ESR2: variants seen among roughly 807,000 people sequenced by gnomAD.
ESR2 encodes the protein estrogen receptor 2.
A neutral mutation model predicts 49.6 loss-of-function variants in ESR2; 36 were observed. The observed-to-expected ratio is 0.73, with a 90% CI of 0.56 to 0.96. The LOEUF is 0.96. Among genes scored for constraint, ESR2 ranks in the 40% least tolerant of loss-of-function variants. The pLI is 0.00. For missense variants in ESR2, 714 were observed against 693.0 expected, an observed-to-expected ratio of 1.03 and a Z score of -0.34; for synonymous variants, 320 against 266.1, an observed-to-expected ratio of 1.20 and a Z score of -1.97.
intron 5 of ESR2, among the ~76,000 whole-genome samples, chr14:64,258,679 G>C (rs1567751336): frequency 6.6e-6 from 1 of 152,154 alleles, no homozygotes; most frequent in Non-Finnish European, 1.5e-5. Flanking sequence ...GAATGTAATG[G>C]TGTTATGAAT....
Position 64,257,217 on chromosome 14 carries a change from T to A in ESR2, c.1091+9A>T. ...AGTCAGAGAAGAAACACAATGTATTTTTTCTCACCTGTCCAGAACAAGATC... is the reference window on the plus strand; with the variant it reads ...AGTCAGAGAAGAAACACAATGTATTATTTCTCACCTGTCCAGAACAAGATC... On this transcript the variant is annotated intron_variant, in intron 6 of 8. Coordinates refer to ENST00000341099, the MANE Select transcript of ESR2 (RefSeq NM_001437.3). 1 of 1,613,996 alleles carries A rather than the reference T, an allele frequency of 6.2e-7. No homozygotes were observed. Among genetic ancestry groups the A allele is most frequent in the Non-Finnish European group, 8.5e-7 (1 of 1,179,888 alleles).
intron 8 of ESR2, 157 bp downstream of exon 8, chr14:64,234,813 A>G: frequency 2.1e-6 from 3 of 1,429,446 alleles, no homozygotes; most frequent in Non-Finnish European, 2.8e-6. Context: ...CTCTGTGCCC[A>G]TCTTTGCTTA....
At chr14:64,313,203 A>T (rs1465282783) in intron 1 of ESR2, among the ~76,000 whole-genome samples, 2 of 152,146 alleles carry the variant, frequency 1.3e-5, no homozygotes, top group Non-Finnish European at 2.9e-5. Context: ...CCAAACAACA[A>T]AGTTATAAGA....
intron 7 of ESR2, among the ~76,000 whole-genome samples, chr14:64,240,898 A>T (rs534609797): frequency 7.2e-5 from 11 of 152,198 alleles, no homozygotes; most frequent in Admixed American, 2.0e-4. Flanking sequence ...TAATCCCAGC[A>T]CTTTGGGAGG....
chr14:64,264,660 C>T (rs1172576303), intron 4 of ESR2, among the ~76,000 whole-genome samples: 1 of 151,888 alleles, frequency 6.6e-6, no homozygotes, highest in Admixed American at 6.6e-5. Context: ...CACTTGAGCC[C>T]AGGAGTTGAA....
At position 64,291,052 on chromosome 14, in the gene ESR2, C is replaced by T. The variant is rs577831446; in HGVS notation, c.-91+2981G>A. 2.6e-5 allele frequency among the ~76,000 whole-genome samples: 4 copies of T among 152,274 alleles called. No individual in the cohort carries two copies. The South Asian group carries it at 8.3e-4, about 32-fold the overall frequency. On this transcript the variant is annotated intron_variant, in intron 1 of 8. Coordinates refer to ENST00000341099, the MANE Select transcript of ESR2 (RefSeq NM_001437.3). ...TGCTCTTCCCTAACACCAACAACAG[C>T]CACAGACCATGCTCTGTAGGAACTG...
intron 1 of ESR2, among the ~76,000 whole-genome samples, chr14:64,314,528 T>G (rs917044608): frequency 5.3e-5 from 8 of 149,714 alleles, no homozygotes; most frequent in Non-Finnish European, 1.0e-4. Context: ...TGATTAAATG[T>G]AAAACAGGAA....
chr14:64,239,405 A>G (rs1052823957), intron 7 of ESR2, among the ~76,000 whole-genome samples: 4 of 152,356 alleles, frequency 2.6e-5, no homozygotes, highest in Non-Finnish European at 5.9e-5. Flanking sequence ...TTAATGTAAA[A>G]TAGGATTTCC....
At chr14:64,252,128 G>T (rs1401479888) in intron 6 of ESR2, among the ~76,000 whole-genome samples, 10 of 152,170 alleles carry the variant, frequency 6.6e-5, no homozygotes, top group African/African-American at 2.4e-4. Flanking sequence ...ACCAGCCTGG[G>T]CGATGTAGCA....
intron 6 of ESR2, among the ~76,000 whole-genome samples, chr14:64,252,627 A>G (rs1320334423): frequency 6.6e-6 from 1 of 152,130 alleles, no homozygotes; most frequent in Non-Finnish European, 1.5e-5. Flanking sequence ...CACATCTTAC[A>G]TGGAGGCAGG....
At chr14:64,248,407 GC>G (rs2075911772) in intron 7 of ESR2, among the ~76,000 whole-genome samples, 1 of 150,624 alleles carries the variant, frequency 6.6e-6, no homozygotes, top group Non-Finnish European at 1.5e-5. Flanking sequence ...TACTTGTGAG[GC>G]CAAGGTGGGA....
chr14:64,283,174 G>A (rs566571692), intron 1 of ESR2, 99 bp from the exon 2 acceptor site: 5 of 492,094 alleles, frequency 1.0e-5, no homozygotes, highest in African/African-American at 9.7e-5. Context: ...GTTTGTATGA[G>A]ATTACAAATA....
At chr14:64,238,312 G>A (rs1362768442) in intron 7 of ESR2, among the ~76,000 whole-genome samples, 1 of 152,202 alleles carries the variant, frequency 6.6e-6, no homozygotes, top group Non-Finnish European at 1.5e-5. Context: ...AGGCACTGCA[G>A]TTGTGGAAAG....
rs897834921 is a variant in ESR2, at chr14:64,229,408, C to T, written c.*3729G>A. Among the ~76,000 whole-genome samples the T allele has an allele frequency of 5.3e-5, 8 of 152,158 alleles. No individual in the cohort carries two copies. In the South Asian group the frequency reaches 6.2e-4, roughly 12 times the overall value. On this transcript the variant is annotated 3_prime_UTR_variant, in exon 9 of 9. Coordinates refer to ENST00000341099, the MANE Select transcript of ESR2 (RefSeq NM_001437.3). ...GACCTTGAATAGGTGAATTTGCCCC[C>T]GTGGGCTTTAATTTACACAGATATG...
intron 1 of ESR2, among the ~76,000 whole-genome samples, chr14:64,324,047 G>A (rs1222057800): frequency 1.3e-5 from 2 of 152,186 alleles, no homozygotes; most frequent in Admixed American, 6.5e-5. Context: ...ATAAATGAAT[G>A]AATAAGCAAA....
At chr14:64,310,565 G>A (rs183196627) in intron 1 of ESR2, among the ~76,000 whole-genome samples, 2 of 150,956 alleles carry the variant, frequency 1.3e-5, no homozygotes, top group Admixed American at 1.3e-4. Context: ...TCTGCCTTCC[G>A]GTTTCAAGCA....
chr14:64,247,674 G>T (rs555736666), intron 7 of ESR2, among the ~76,000 whole-genome samples: 2 of 152,258 alleles, frequency 1.3e-5, no homozygotes, highest in South Asian at 4.1e-4. Context: ...TAACCTAAAG[G>T]CTCGACAAGA....
chr14:64,277,885 A>T (rs2076587835), intron 3 of ESR2, among the ~76,000 whole-genome samples: 1 of 152,124 alleles, frequency 6.6e-6, no homozygotes, highest in African/African-American at 2.4e-5. Context: ...GAAACAACAT[A>T]GAGAAGCAAA....
At chr14:64,313,194 C>G (rs1439091462) in intron 1 of ESR2, among the ~76,000 whole-genome samples, 1 of 151,880 alleles carries the variant, frequency 6.6e-6, no homozygotes, top group Non-Finnish European at 1.5e-5. Context: ...TAAATGCCCC[C>G]AAACAACAAA....
Sources: gnomAD v4.1 joint callset for allele counts (sites outside exome capture counted in the v4.1 genomes callset) on GRCh38, gnomAD v4.1.1 for gene constraint, MANE v1.5 for transcripts, NCBI Gene and HGNC (gene_info 2026-07-23, HGNC 2026-07-21) for gene names.